Variants in NSUN4 observed in about 807,000 individuals in gnomAD.
NSUN4 encodes NOP2/Sun RNA methyltransferase 4, also known as 5-cytosine rRNA methyltransferase NSUN4.
A neutral mutation model predicts 43.8 loss-of-function variants in NSUN4; 31 were observed. The ratio of observed to expected loss-of-function variants is 0.71; its 90% CI spans 0.53 to 0.96. The LOEUF (loss-of-function observed/expected upper bound fraction) is 0.96. Among genes scored for constraint, NSUN4 ranks in the 40% least tolerant of loss-of-function variants. The pLI is 0.00. For missense variants in NSUN4, 439 were observed against 475.6 expected, an observed-to-expected ratio of 0.92 and a Z score of 0.72; for synonymous variants, 167 against 184.1, an observed-to-expected ratio of 0.91 and a Z score of 0.75.
chr1:46,353,850 T>C (rs1267167693), intron 4 of NSUN4, among the ~76,000 whole-genome samples: 3 of 152,120 alleles, frequency 2.0e-5, no homozygotes, highest in East Asian at 1.9e-4. Context: ...TGGGGTTAAA[T>C]CCTTTTTTAA....
In NSUN4 at chr1:46,346,150, C is replaced by CAAA. The variant is rs745954011; in HGVS notation, c.438-753_438-751dup. ...TGGGCGACAGAGCGAGACTCTGTCT[C>CAAA]AAAAAAAAAAAAAAAAAAAATTATC... On this transcript the variant is annotated intron_variant, in intron 2 of 5. Coordinates refer to ENST00000474844, the MANE Select transcript of NSUN4 (RefSeq NM_199044.4). Among the ~76,000 whole-genome samples, 813 of 85,992 alleles carry CAAA rather than the reference C, an allele frequency of 9.5e-3. 18 individuals carry two copies. The highest frequency in any genetic ancestry group is 0.027 in the African/African-American group (573 of 21,620). 56.4% of individuals were successfully genotyped at this position (85,992 alleles called of 152,430 possible). A position where few individuals can be genotyped will look rare whatever the true frequency, so the allele number is the denominator to read the frequency against.
At chr1:46,344,701 G>C in intron 1 of NSUN4, 100 bp from the exon 2 acceptor site, 1 of 1,035,148 alleles carries the variant, frequency 9.7e-7, no homozygotes, top group Non-Finnish European at 1.5e-6. Context: ...GTGGGCACTA[G>C]CTGGATCCAA....
rs190239608 is a variant in NSUN4 at position 46,345,872 on chromosome 1, G to A, written c.437+728G>A. 3.2e-4 allele frequency among the ~76,000 whole-genome samples: 48 copies of A among 152,230 alleles called. No homozygotes were observed. In the East Asian group the frequency reaches 6.6e-3, roughly 21 times the overall value. On this transcript the variant is annotated intron_variant, in intron 2 of 5. Transcript: ENST00000474844. ...ATTTATTTATTAAAAAATATTGGCCGGGTGTGGTGGCTCACGCCTTTAATC... is the reference window on the plus strand; with the variant it reads ...ATTTATTTATTAAAAAATATTGGCCAGGTGTGGTGGCTCACGCCTTTAATC...
In NSUN4 at chr1:46,364,779, G is replaced by T. The variant is rs1664083781; in HGVS notation, c.*2933G>T. The T allele has an allele frequency of 6.6e-6, 1 of 152,188 alleles. No homozygotes were observed. The highest frequency in any genetic ancestry group is 1.5e-5 in the Non-Finnish European group (1 of 68,046). The allele number at this position is 152,188 out of a possible 1,614,324, so 9.4% of individuals were successfully genotyped here. On this transcript the variant is annotated 3_prime_UTR_variant, in exon 6 of 6. Transcript: ENST00000474844. ...TTACGTATGTCTGGCTTGATTACAT[G>T]GCCAGAGCAACATAAAAGCCCTGCT...
At chr1:46,369,567 G>A (rs61784614), downstream of NSUN4, among the ~76,000 whole-genome samples, 63 of 152,166 alleles carry the variant, frequency 4.1e-4, no homozygotes, top group Non-Finnish European at 7.9e-4. Context: ...ACCTAACCTC[G>A]CCTGGAGGAA....
chr1:46,382,167 C>T, the NSUN4 span, among the ~76,000 whole-genome samples: 946 of 152,268 alleles, frequency 6.2e-3, 13 homozygotes, highest in African/African-American at 0.022. Context: ...AAAGTAAAGG[C>T]ACAGATTCAG....
the NSUN4 span, among the ~76,000 whole-genome samples, chr1:46,378,548 A>G: frequency 6.6e-6 from 1 of 152,174 alleles, no homozygotes; most frequent in African/African-American, 2.4e-5. Flanking sequence ...TGGGCCCTCC[A>G]CTGACTGTGT....
chr1:46,360,419 C>G (rs1663782396), intron 4 of NSUN4, among the ~76,000 whole-genome samples: 1 of 143,710 alleles, frequency 7.0e-6, no homozygotes, highest in South Asian at 2.2e-4. Flanking sequence ...GGCAACAGAG[C>G]AAGATTTGTC....
chr1:46,344,022 G>T (rs1662306343), intron 1 of NSUN4: 1 of 371,126 alleles, frequency 2.7e-6, no homozygotes, highest in Non-Finnish European at 4.8e-6. Context: ...AAGATTGCCA[G>T]CTATAGCAAG....
chr1:46,380,177 A>C, the NSUN4 span, among the ~76,000 whole-genome samples: 1 of 152,170 alleles, frequency 6.6e-6, no homozygotes, highest in Non-Finnish European at 1.5e-5. Flanking sequence ...TCCCTTGGAC[A>C]GCCCTGCCCC....
At chr1:46,352,136 G>A (rs1244130878) in intron 3 of NSUN4, among the ~76,000 whole-genome samples, 7 of 146,486 alleles carry the variant, frequency 4.8e-5, no homozygotes, top group African/African-American at 7.5e-5. Context: ...CAGACTCAGA[G>A]ACCCTGTCTT....
At position 46,348,126 on chromosome 1, in the gene NSUN4, C is replaced by T. The variant is rs1160361451; in HGVS notation, c.592+1051C>T. ...CAATCTCCTGACCTTGTGATCTGCC[C>T]GCCTAGGCCTCCCAAATTGCTGGGA... On this transcript the variant is annotated intron_variant, in intron 3 of 5. Transcript: ENST00000474844. Among the ~76,000 whole-genome samples the T allele has an allele frequency of 3.3e-5, 5 of 152,096 alleles. No individual in the cohort carries two copies. In the East Asian group the frequency reaches 5.8e-4, roughly 18 times the overall value.
At chr1:46,344,051 C>T (rs1662307974) in intron 1 of NSUN4, 1 of 339,706 alleles carries the variant, frequency 2.9e-6, no homozygotes, top group Admixed American at 4.8e-5. Flanking sequence ...CTGCAGCAAC[C>T]AGGACCGACT....
downstream of NSUN4, among the ~76,000 whole-genome samples, chr1:46,369,408 A>C (rs1045265828): frequency 4.6e-5 from 7 of 152,186 alleles, no homozygotes; most frequent in African/African-American, 1.4e-4. Flanking sequence ...AACAGAGCAG[A>C]AAAAAGTCCT....
At chr1:46,372,963 C>T in the NSUN4 span, among the ~76,000 whole-genome samples, 12 of 152,142 alleles carry the variant, frequency 7.9e-5, no homozygotes, top group Non-Finnish European at 1.3e-4. Context: ...TCAAGTGATC[C>T]GCCTGCCTCG....
At position 46,363,303 on chromosome 1, in the gene NSUN4, C is replaced by A. The variant is rs556026715; in HGVS notation, c.*1457C>A. On this transcript the variant is annotated 3_prime_UTR_variant, in exon 6 of 6. Transcript: ENST00000474844. The stretch of plus-strand genomic sequence containing the variant: ...CTAGTGCTCTGAGTAGGACCGTAAC[C>A]GCCTCCGTGCGTGGCATATGGTCCC... 1 of 152,286 alleles carries A rather than the reference C, an allele frequency of 6.6e-6. No homozygotes were observed. Among genetic ancestry groups the A allele is most frequent in the South Asian group, 2.1e-4 (1 of 4,822 alleles). 9.4% of individuals were successfully genotyped at this position (152,286 alleles called of 1,614,324 possible). A position where few individuals can be genotyped will look rare whatever the true frequency, so the allele number is the denominator to read the frequency against.
At chr1:46,370,566 A>G in the NSUN4 span, 1 of 120,574 alleles carries the variant, frequency 8.3e-6, no homozygotes, top group African/African-American at 3.5e-5. Flanking sequence ...TTTTTTTTCC[A>G]GATTCATTTC....
chr1:46,367,986 A>G (rs1455010497), downstream of NSUN4, among the ~76,000 whole-genome samples: 1 of 151,952 alleles, frequency 6.6e-6, no homozygotes, highest in Admixed American at 6.6e-5. Context: ...GCTGGTCTTG[A>G]ACTCTTGAGC....
At chr1:46,384,884 C>A in the NSUN4 span, among the ~76,000 whole-genome samples, 3 of 152,202 alleles carry the variant, frequency 2.0e-5, no homozygotes, top group South Asian at 6.2e-4. Flanking sequence ...CCAAAGGTGG[C>A]CCCTGTGCTA....
Sources: allele counts gnomAD v4.1 joint callset (sites outside exome capture counted in the v4.1 genomes callset), GRCh38; gene constraint gnomAD v4.1.1; transcripts MANE v1.5; gene names NCBI Gene and HGNC (gene_info 2026-07-23, HGNC 2026-07-21).